Variants in ZNF180 observed in about 807,000 individuals in gnomAD.
The protein encoded by ZNF180 is zinc finger protein 180.
Under a neutral mutation model 11.8 loss-of-function variants are expected in ZNF180, and 11 were observed. The ratio of observed to expected loss-of-function variants is 0.93; its 90% confidence interval spans 0.59 to 1.55. The LOEUF (loss-of-function observed/expected upper bound fraction) is 1.55. Among genes scored for constraint, ZNF180 ranks in the 40% most tolerant of loss-of-function variants. The pLI, the probability that ZNF180 is intolerant of heterozygous loss-of-function variation, is 0.00. For synonymous variants in ZNF180, 287 were observed against 257.7 expected (o/e 1.11, Z -1.09); for missense variants, 773 against 781.7 (o/e 0.99, Z 0.13).
chr19:44,488,554 G>C (rs1429761585), intron 2 of ZNF180, among the ~76,000 whole-genome samples: 1 of 152,074 alleles, frequency 6.6e-6, no homozygotes, highest in Non-Finnish European at 1.5e-5. Flanking sequence ...ACGGAGTCTC[G>C]TTCACTCAGT....
At position 44,477,497 on chromosome 19, in the gene ZNF180, T is replaced by C. The variant is rs557274087; in HGVS notation, c.903A>G (p.Gln301=). ...TATGAGAGGTTTCACTACATTTATA[T>C]TGACTCTCTTCAAAAGGAATTCTCT... ...EQQRIPFEES[Q]YKCSETSHSS... is the part of the protein sequence containing the mutation. The change falls in exon 5 of 5, where the codon CAA becomes CAG. Residue 301 remains glutamine, a synonymous_variant. Transcript: ENST00000592529. 6.1e-5 allele frequency: 99 copies of C among 1,614,136 alleles called. No individual in the cohort carries two copies. Among genetic ancestry groups the C allele is most frequent in the East Asian group, 3.8e-4 (17 of 44,888 alleles).
intron 2 of ZNF180, among the ~76,000 whole-genome samples, chr19:44,493,008 A>G (rs1221460215): frequency 6.6e-6 from 1 of 152,218 alleles, no homozygotes; most frequent in Non-Finnish European, 1.5e-5. Context: ...CACAAACTAC[A>G]GCACTGGAAA....
At chr19:44,481,482 T>C (rs1488469622) in intron 3 of ZNF180, among the ~76,000 whole-genome samples, 3 of 152,226 alleles carry the variant, frequency 2.0e-5, no homozygotes, top group African/African-American at 7.2e-5. Context: ...CCTTTCTGTG[T>C]AATATAGGTC....
At chr19:44,483,457 G>T (rs908181979) in intron 3 of ZNF180, among the ~76,000 whole-genome samples, 3 of 152,182 alleles carry the variant, frequency 2.0e-5, no homozygotes, top group Non-Finnish European at 4.4e-5. Context: ...AAAAGCAGCA[G>T]GATAGAGTAT....
chr19:44,478,175 G>A (rs370320820), intron 4 of ZNF180, 29 bp from the exon 5 acceptor site: 124 of 1,495,114 alleles, frequency 8.3e-5, no homozygotes, highest in Admixed American at 1.4e-4. Flanking sequence ...AGACATCTTA[G>A]TCAAAAAATA....
chr19:44,485,929 A>G (rs1256037173), intron 2 of ZNF180, among the ~76,000 whole-genome samples: 4 of 152,176 alleles, frequency 2.6e-5, no homozygotes, highest in Non-Finnish European at 4.4e-5. Context: ...TGTAACATCC[A>G]TTAAGTCTAC....
chr19:44,497,219 G>T, intron 2 of ZNF180, 65 bp downstream of exon 2: 2 of 1,432,942 alleles, frequency 1.4e-6, no homozygotes, highest in Non-Finnish European at 1.8e-6. Flanking sequence ...TCAGGGAGGA[G>T]CCACAGCCTC....
At chr19:44,488,241 T>A (rs1156505418) in intron 2 of ZNF180, among the ~76,000 whole-genome samples, 2 of 100,826 alleles carry the variant, frequency 2.0e-5, no homozygotes. Flanking sequence ...TCCCTCTCTT[T>A]CCACGGTCTC....
chr19:44,498,889 C>T (rs372890275), intron 1 of ZNF180, among the ~76,000 whole-genome samples: 36 of 152,196 alleles, frequency 2.4e-4, no homozygotes, highest in African/African-American at 8.0e-4. Context: ...ACGGGCCACC[C>T]ACCTAGACTC....
At position 44,477,583 on chromosome 19, in the gene ZNF180, T is replaced by C. The variant is rs73036497; in HGVS notation, c.817A>G (p.Thr273Ala). 0.012 allele frequency: 19,752 copies of C among 1,614,018 alleles called. 138 individuals are homozygous for C. The highest frequency in any genetic ancestry group is 0.024 in the African/African-American group (1,800 of 75,006). Residue 273 changes from threonine to alanine, a missense_variant, in exon 5 of 5, where the codon ACC (threonine) becomes GCC (alanine). By Grantham distance (58) the Thr-to-Ala change is moderately conservative. Transcript: ENST00000592529. ...IHEKIHGGGK[T>A]FDFKECGQVL... is the part of the protein sequence containing the mutation. ...TGCCCACATTCTTTAAAATCAAAGG[T>C]TTTTCCTCCTCCATGAATTTTTTCA...
Position 44,478,036 on chromosome 19 carries a change from A to G in ZNF180, c.364T>C (p.Leu122=). 1 of 1,614,054 alleles carries G rather than the reference A, an allele frequency of 6.2e-7. No individual in the cohort carries two copies. The highest frequency in any genetic ancestry group is 8.5e-7 in the Non-Finnish European group (1 of 1,179,946). Reference sequence around the variant, plus strand: ...TCATCCACTTCTTCACATGAAGATAACCAAGGATCATCCCTTGTAAACCTT... The same window carrying G: ...TCATCCACTTCTTCACATGAAGATAGCCAAGGATCATCCCTTGTAAACCTT... The part of the protein sequence containing the change: ...IERFTRDDPW[L]SSCEEVDDCK... Residue 122 remains leucine (L), a synonymous_variant, in exon 5 of 5, where the codon TTA becomes CTA. Transcript: ENST00000592529.
At chr19:44,494,396 C>T (rs574506634) in intron 2 of ZNF180, among the ~76,000 whole-genome samples, 79 of 152,264 alleles carry the variant, frequency 5.2e-4, no homozygotes, top group Non-Finnish European at 8.5e-4. Context: ...CCAGGCACTG[C>T]GGCTCACCCC....
chr19:44,481,718 AT>A (rs1381570409), intron 3 of ZNF180, among the ~76,000 whole-genome samples: 1 of 152,238 alleles, frequency 6.6e-6, no homozygotes, highest in Non-Finnish European at 1.5e-5. Flanking sequence ...GTGTTTATAT[AT>A]AGTAGATATT....
At chr19:44,491,911 T>C (rs34400340) in intron 2 of ZNF180, among the ~76,000 whole-genome samples, 46,484 of 152,012 alleles carry the variant, frequency 0.31, 7,892 homozygotes, top group African/African-American at 0.44. Flanking sequence ...GTAATATGTC[T>C]ATTCTATTTC....
intron 2 of ZNF180, chr19:44,484,752 T>G (rs1970179592): frequency 3.0e-6 from 1 of 334,088 alleles, no homozygotes. Flanking sequence ...CGCTAAGAAC[T>G]GTCCAGCGGG....
rs543724853 is a variant in ZNF180, at chr19:44,482,998, G to A, written c.126+1363C>T. Among the ~76,000 whole-genome samples the A allele has an allele frequency of 3.3e-5, 5 of 152,248 alleles. No individual in the cohort carries two copies. The South Asian group carries it at 6.2e-4, about 19-fold the overall frequency. On this transcript the variant is annotated intron_variant, in intron 3 of 4. Coordinates refer to ENST00000592529, the MANE Select transcript of ZNF180 (RefSeq NM_001278509.3). The stretch of plus-strand genomic sequence containing the variant: ...GCTGCTCTTCATCAGCTCATTCTTC[G>A]GGGGACACCCCAGACCTTGAAATTG...
chr19:44,476,855 AG>A lies in ZNF180; in HGVS notation c.1544del (p.Thr515IlefsTer103). ...WSSQLVAHQR[T>X]HTGEKPYECS... Reference sequence around the variant, plus strand: ...ATTCATACGGTTTCTCTCCAGTGTGAGTTCTTTGATGTGCAACAAGCTGAGA... The same window carrying A: ...ATTCATACGGTTTCTCTCCAGTGTGATTCTTTGATGTGCAACAAGCTGAGA... On this transcript the variant is annotated frameshift_variant, in exon 5 of 5. Coordinates refer to ENST00000592529, the MANE Select transcript of ZNF180 (RefSeq NM_001278509.3). LOFTEE classifies it low-confidence loss of function (END_TRUNC). The A allele has an allele frequency of 6.2e-7, 1 of 1,614,126 alleles. No homozygotes were observed. The highest frequency in any genetic ancestry group is 8.5e-7 in the Non-Finnish European group (1 of 1,180,012).
At position 44,478,009 on chromosome 19, in the gene ZNF180, A is replaced by G. The variant is rs749521642; in HGVS notation, c.391T>C (p.Cys131Arg). The G allele has an allele frequency of 3.7e-6, 6 of 1,613,964 alleles. No individual in the cohort carries two copies. In the Admixed American group the frequency reaches 1.0e-4, roughly 27 times the overall value. ...WLSSCEEVDD[C>R]KDQLEKQQEK... Reference sequence around the variant, plus strand: ...TGTTGCTTCTCCAACTGGTCTTTACAATCATCCACTTCTTCACATGAAGAT... The same window carrying G: ...TGTTGCTTCTCCAACTGGTCTTTACGATCATCCACTTCTTCACATGAAGAT... Residue 131 changes from cysteine to arginine, a missense_variant, in exon 5 of 5, where the codon TGT becomes CGT. Coordinates refer to ENST00000592529, the MANE Select transcript of ZNF180 (RefSeq NM_001278509.3).
intron 2 of ZNF180, among the ~76,000 whole-genome samples, chr19:44,485,327 GCCT>G (rs1371861182): frequency 3.3e-5 from 5 of 152,064 alleles, no homozygotes; most frequent in African/African-American, 1.2e-4. Flanking sequence ...ACAGATGCTC[GCCT>G]CTTTACATCA....
Sources: allele counts gnomAD v4.1 joint callset (sites outside exome capture counted in the v4.1 genomes callset), GRCh38; gene constraint gnomAD v4.1.1; transcripts MANE v1.5; gene names NCBI Gene and HGNC (gene_info 2026-07-23, HGNC 2026-07-21).